ZFHX3: variants seen among roughly 807,000 people sequenced by gnomAD.
The protein encoded by ZFHX3 is zinc finger homeobox protein 3.
In ZFHX3, 42 loss-of-function variants were observed where a neutral mutation model predicts 279.1. That is an observed-to-expected ratio of 0.15 (90% confidence interval 0.12 to 0.19). The LOEUF is 0.19. ZFHX3 is among the 10% of genes least tolerant of loss of function. ZFHX3 has a pLI of 1.00. For missense variants in ZFHX3, 4,981 were observed against 4,754.0 expected (o/e 1.05, Z -1.40); for synonymous variants, 2,293 against 1,957.8 (o/e 1.17, Z -4.52).
chr16:73,447,367 C>A (rs2018205875), intron 3 of ZFHX3, among the ~76,000 whole-genome samples: 1 of 151,890 alleles, frequency 6.6e-6, no homozygotes, highest in Non-Finnish European at 1.5e-5. Context: ...TTTTGGTGTA[C>A]CACAACGCTG....
intron 3 of ZFHX3, among the ~76,000 whole-genome samples, chr16:73,344,358 G>A (rs1567456119): frequency 1.3e-5 from 2 of 152,172 alleles, no homozygotes; most frequent in African/African-American, 2.4e-5. Context: ...CTTCAAAAAT[G>A]TCAAGGTTAA....
At chr16:72,911,978 G>C (rs1044255455) in intron 3 of ZFHX3, among the ~76,000 whole-genome samples, 3 of 152,208 alleles carry the variant, frequency 2.0e-5, no homozygotes, top group Non-Finnish European at 4.4e-5. Flanking sequence ...TAATGTAGAC[G>C]CTGTCTAGGG....
chr16:73,143,806 G>A (rs1383029682), exon 6 of ZFHX3: 1 of 1,304,192 alleles, frequency 7.7e-7, no homozygotes, highest in Non-Finnish European at 1.0e-6. Flanking sequence ...CTAGACTTCT[G>A]GGGGTTGTAA....
intron 2 of ZFHX3, among the ~76,000 whole-genome samples, chr16:73,630,625 G>C (rs1483256553): frequency 1.3e-5 from 2 of 152,224 alleles, no homozygotes; most frequent in African/African-American, 4.8e-5. Flanking sequence ...GTTCATTAAT[G>C]ATATTTTAAA....
intron 2 of ZFHX3, among the ~76,000 whole-genome samples, chr16:73,612,027 G>A (rs747003549): frequency 2.3e-4 from 35 of 151,588 alleles, no homozygotes; most frequent in Non-Finnish European, 4.6e-4. Context: ...TACATAACAT[G>A]TTTTTTTAGT....
intron 4 of ZFHX3, among the ~76,000 whole-genome samples, chr16:73,266,597 G>A (rs1457277356): frequency 1.2e-4 from 19 of 152,148 alleles, no homozygotes; most frequent in Non-Finnish European, 2.9e-5. Flanking sequence ...TGATTAGTTG[G>A]TGATGTGGTT....
intron 3 of ZFHX3, among the ~76,000 whole-genome samples, chr16:72,942,890 G>T (rs1395748760): frequency 6.6e-6 from 1 of 152,120 alleles, no homozygotes; most frequent in Admixed American, 6.6e-5. Flanking sequence ...TTTCTTTTGG[G>T]GAACATGCCA....
At position 72,959,937 on chromosome 16, in the gene ZFHX3, G is replaced by C. The variant is rs770118045; in HGVS notation, c.209C>G (p.Pro70Arg). 2.5e-6 allele frequency: 4 copies of C among 1,600,566 alleles called. No individual in the cohort carries two copies. The highest frequency in any genetic ancestry group is 3.4e-6 in the Non-Finnish European group (4 of 1,173,258). The change falls in exon 2 of 10, where the codon CCC becomes CGC. Residue 70 changes from proline to arginine, a missense_variant. Physicochemically the swap from Pro to Arg is moderately radical, Grantham distance 103. This residue lies in a region of ZFHX3 where 1,068 missense variants were observed against 935.2 expected (regional missense o/e 1.14). Transcript: ENST00000268489. ...RLAESTASAG[P>R]PSEPASKEVT... ...CTCCTTGCTGGCGGGCTCGGAGGGG[G>C]GCCCGGCCGACGCGGTGCTCTCCGC...
intron 3 of ZFHX3, among the ~76,000 whole-genome samples, chr16:73,329,379 T>C (rs1259168736): frequency 6.6e-6 from 1 of 152,248 alleles, no homozygotes; most frequent in Non-Finnish European, 1.5e-5. Context: ...TTTTCGAGTT[T>C]CACTCAATGA....
At chr16:73,433,806 G>A (rs917974073) in intron 3 of ZFHX3, among the ~76,000 whole-genome samples, 2 of 152,188 alleles carry the variant, frequency 1.3e-5, no homozygotes, top group African/African-American at 4.8e-5. Context: ...GCGGCTGCAC[G>A]GTGCCTACTG....
At chr16:73,223,887 A>G (rs965976355) in intron 5 of ZFHX3, among the ~76,000 whole-genome samples, 1 of 152,236 alleles carries the variant, frequency 6.6e-6, no homozygotes. Context: ...ACACACTATC[A>G]ACATAAATGT....
chr16:73,605,033 C>G (rs1378382796), intron 2 of ZFHX3, among the ~76,000 whole-genome samples: 1 of 152,106 alleles, frequency 6.6e-6, no homozygotes, highest in Non-Finnish European at 1.5e-5. Context: ...ACTGCTATAC[C>G]CCAGCTCTGA....
At chr16:72,829,671 T>C in intron 5 of ZFHX3, 108 bp downstream of exon 5, 15 of 1,236,780 alleles carry the variant, frequency 1.2e-5, no homozygotes, top group Non-Finnish European at 1.8e-5. Context: ...AGACTAAGGA[T>C]GTATCCGCTC....
chr16:73,785,597 G>T (rs958255028), intron 1 of ZFHX3, among the ~76,000 whole-genome samples: 1 of 151,892 alleles, frequency 6.6e-6, no homozygotes, highest in Non-Finnish European at 1.5e-5. Context: ...CTTTTTTTAG[G>T]TTTCCATCTT....
At chr16:73,343,272 G>A (rs996888167) in intron 3 of ZFHX3, among the ~76,000 whole-genome samples, 1 of 151,358 alleles carries the variant, frequency 6.6e-6, no homozygotes, top group Non-Finnish European at 1.5e-5. Flanking sequence ...AAAGAGTCTT[G>A]AATTAATGAT....
intron 1 of ZFHX3, among the ~76,000 whole-genome samples, chr16:72,991,456 G>A (rs1368337753): frequency 1.3e-5 from 2 of 152,176 alleles, no homozygotes; most frequent in Non-Finnish European, 2.9e-5. Flanking sequence ...TTTAACAGCA[G>A]CAAATTTGCT....
intron 2 of ZFHX3, among the ~76,000 whole-genome samples, chr16:73,515,096 T>A (rs1328837443): frequency 6.6e-6 from 1 of 152,176 alleles, no homozygotes; most frequent in Admixed American, 6.5e-5. Flanking sequence ...ATGTTTAGAG[T>A]CTTGCACAGG....
At chr16:72,962,681 C>T (rs548645222) in intron 1 of ZFHX3, among the ~76,000 whole-genome samples, 7 of 152,252 alleles carry the variant, frequency 4.6e-5, no homozygotes, top group Admixed American at 3.9e-4. Flanking sequence ...TCCTCCTGCC[C>T]CATCAGAATC....
At chr16:72,890,018 T>C in intron 3 of ZFHX3, 56 bp from the exon 4 acceptor site, 4 of 1,503,356 alleles carry the variant, frequency 2.7e-6, no homozygotes, top group East Asian at 2.4e-5. Flanking sequence ...AAGCGGCCAC[T>C]GGCATCAGCC....
Sources: gnomAD v4.1 joint callset for allele counts (sites outside exome capture counted in the v4.1 genomes callset) on GRCh38, gnomAD v4.1.1 for gene constraint, gnomAD v4.1.1 regional missense constraint, MANE v1.5 for transcripts, NCBI Gene and HGNC (gene_info 2026-07-23, HGNC 2026-07-21) for gene names.